The following VAT1L variants were observed in gnomAD, a reference collection of about 807,000 sequenced individuals.
VAT1L encodes putative NADPH-dependent quinone oxidoreductase VAT1L.
In VAT1L, 34 loss-of-function variants were observed where a neutral mutation model predicts 44.1. The observed-to-expected ratio is 0.77, with a 90% CI of 0.59 to 1.03. VAT1L has a LOEUF of 1.03. Among genes scored for constraint, VAT1L ranks in the 50% least tolerant of loss-of-function variants. The probability of loss-of-function intolerance (pLI) is 0.00; values close to 1 mark genes in which losing one functional copy is unlikely to be tolerated. For missense variants in VAT1L, 615 were observed against 538.8 expected, an observed-to-expected ratio of 1.14 and a Z score of -1.40; for synonymous variants, 253 against 202.2, an observed-to-expected ratio of 1.25 and a Z score of -2.13.
At chr16:77,970,314 T>C (rs1248183303) in intron 7 of VAT1L, among the ~76,000 whole-genome samples, 1 of 152,218 alleles carries the variant, frequency 6.6e-6, no homozygotes, top group Non-Finnish European at 1.5e-5. Flanking sequence ...TAAATACTGA[T>C]TTGATAATAT....
chr16:77,942,407 C>A lies in VAT1L; in HGVS notation c.1078-29443C>A, dbSNP rs138659842. On this transcript the variant is annotated intron_variant, in intron 7 of 8. Transcript: ENST00000302536. ...ATTCAAGATGAGATTTGGGTGGGGA[C>A]ACAGCCACACCATATCAATCAGTGA... Among the ~76,000 whole-genome samples, 209 of 152,090 alleles carry A rather than the reference C, an allele frequency of 1.4e-3. 1 individual carries two copies. Among genetic ancestry groups the A allele is most frequent in the African/African-American group, 3.6e-3 (150 of 41,480 alleles).
At chr16:77,790,391 C>G (rs1241095236) in intron 1 of VAT1L, among the ~76,000 whole-genome samples, 1 of 152,098 alleles carries the variant, frequency 6.6e-6, no homozygotes, top group Non-Finnish European at 1.5e-5. Context: ...CAGCTAAATC[C>G]CCAAAGACCA....
At chr16:77,819,384 T>C (rs11865473) in intron 2 of VAT1L, among the ~76,000 whole-genome samples, 32,817 of 151,996 alleles carry the variant, frequency 0.22, 3,836 homozygotes, top group South Asian at 0.3. Context: ...TTTTCTTTTT[T>C]TTTTCTTTTT....
chr16:77,876,527 G>A, intron 5 of VAT1L, 54 bp downstream of exon 5: 2 of 1,503,814 alleles, frequency 1.3e-6, no homozygotes, highest in South Asian at 2.3e-5. Context: ...CTCTACATAT[G>A]TGCCTGCAAA....
intron 7 of VAT1L, chr16:77,893,056 G>T: frequency 3.8e-6 from 2 of 525,782 alleles, no homozygotes; most frequent in Non-Finnish European, 6.9e-6. Context: ...TGTTTTCCTT[G>T]TTCCCTTCCA....
At chr16:77,938,879 C>G (rs2017838635) in intron 7 of VAT1L, among the ~76,000 whole-genome samples, 1 of 148,720 alleles carries the variant, frequency 6.7e-6, no homozygotes, top group African/African-American at 2.4e-5. Flanking sequence ...ATTAAAAGAT[C>G]ATCATTGCTT....
chr16:77,811,767 A>AC (rs1440210084), intron 1 of VAT1L, among the ~76,000 whole-genome samples: 1 of 152,202 alleles, frequency 6.6e-6, no homozygotes, highest in Non-Finnish European at 1.5e-5. Flanking sequence ...TTCATCACTT[A>AC]CTAGGTAACA....
At chr16:77,870,104 A>T (rs2017015216) in intron 4 of VAT1L, among the ~76,000 whole-genome samples, 1 of 152,216 alleles carries the variant, frequency 6.6e-6, no homozygotes, top group Non-Finnish European at 1.5e-5. Context: ...CTTACCAAGA[A>T]GCCTACCACA....
At position 77,792,937 on chromosome 16, in the gene VAT1L, A is replaced by G. The variant is rs1284600606; in HGVS notation, c.233+4022A>G. On this transcript the variant is annotated intron_variant, in intron 1 of 8. Transcript: ENST00000302536. ...GCTTAGCAAGCAGTCAAAAAATGAT[A>G]ACCATTATTATCTAAACTTTTACTT... 3.9e-5 allele frequency among the ~76,000 whole-genome samples: 6 copies of G among 152,206 alleles called. No homozygotes were observed. In the East Asian group the frequency reaches 9.6e-4, roughly 24 times the overall value.
chr16:77,903,114 T>C (rs753111914), intron 7 of VAT1L, among the ~76,000 whole-genome samples: 1 of 152,226 alleles, frequency 6.6e-6, no homozygotes, highest in Non-Finnish European at 1.5e-5. Context: ...TCTTTGTTTT[T>C]AATAGACATC....
intron 7 of VAT1L, among the ~76,000 whole-genome samples, chr16:77,885,682 T>C (rs1345489905): frequency 6.6e-6 from 1 of 152,140 alleles, no homozygotes; most frequent in Admixed American, 6.5e-5. Context: ...AAGTGCCTTA[T>C]GGTACAAGTA....
intron 2 of VAT1L, among the ~76,000 whole-genome samples, chr16:77,822,386 G>C (rs1304636292): frequency 6.6e-6 from 1 of 152,128 alleles, no homozygotes; most frequent in African/African-American, 2.4e-5. Flanking sequence ...CCAAAGTGCT[G>C]GGATTATAGG....
chr16:77,966,433 T>C (rs752753641), intron 7 of VAT1L, among the ~76,000 whole-genome samples: 3 of 151,850 alleles, frequency 2.0e-5, no homozygotes, highest in Non-Finnish European at 4.4e-5. Flanking sequence ...ACCAGGGCAC[T>C]CCAGGAGGGG....
At chr16:77,931,976 T>C (rs1450540878) in intron 7 of VAT1L, among the ~76,000 whole-genome samples, 1 of 152,248 alleles carries the variant, frequency 6.6e-6, no homozygotes, top group African/African-American at 2.4e-5. Context: ...GGAGTAGACA[T>C]GTATTATTTT....
intron 2 of VAT1L, among the ~76,000 whole-genome samples, chr16:77,820,652 G>T (rs937075309): frequency 2.0e-5 from 3 of 152,090 alleles, no homozygotes; most frequent in Non-Finnish European, 4.4e-5. Flanking sequence ...ATCTGAACTG[G>T]AAGCCTTCTG....
At chr16:77,812,721 A>G (rs2016286945) in intron 1 of VAT1L, among the ~76,000 whole-genome samples, 1 of 152,184 alleles carries the variant, frequency 6.6e-6, no homozygotes, top group Admixed American at 6.5e-5. Flanking sequence ...ATTTTCCTGT[A>G]TCTTCCCTAA....
intron 7 of VAT1L, among the ~76,000 whole-genome samples, chr16:77,917,232 G>C (rs1057223806): frequency 7.2e-5 from 11 of 152,122 alleles, no homozygotes; most frequent in African/African-American, 2.7e-4. Flanking sequence ...TAAGACAAGA[G>C]ACAGGAGGTA....
chr16:77,959,270 T>C (rs2018137080), intron 7 of VAT1L, among the ~76,000 whole-genome samples: 1 of 152,216 alleles, frequency 6.6e-6, no homozygotes, highest in Non-Finnish European at 1.5e-5. Flanking sequence ...TTCCAGTCAC[T>C]CTTCCATCTG....
chr16:77,950,564 A>G (rs938241668), intron 7 of VAT1L, among the ~76,000 whole-genome samples: 1 of 152,244 alleles, frequency 6.6e-6, no homozygotes, highest in South Asian at 2.1e-4. Flanking sequence ...TTTTATATAG[A>G]TAAGCAGAAT....
Sources: gnomAD v4.1 joint callset for allele counts (sites outside exome capture counted in the v4.1 genomes callset) on GRCh38, gnomAD v4.1.1 for gene constraint, MANE v1.5 for transcripts, NCBI Gene and HGNC (gene_info 2026-07-23, HGNC 2026-07-21) for gene names.